ATG2B: variants seen among roughly 807,000 people sequenced by gnomAD.
ATG2B encodes the protein autophagy related 2B, also known as autophagy-related protein 2 homolog B.
In ATG2B, 121 loss-of-function variants were observed where a neutral mutation model predicts 241.3. The ratio of observed to expected loss-of-function variants is 0.50; its 90% CI spans 0.43 to 0.58. ATG2B has a LOEUF of 0.58. Ranked by LOEUF, ATG2B falls within the 20% of genes least tolerant of loss-of-function variation. The pLI, the probability that ATG2B is intolerant of heterozygous loss-of-function variation, is 0.00. For synonymous variants in ATG2B, 858 were observed against 876.6 expected, an observed-to-expected ratio of 0.98 and a Z score of 0.37; for missense variants, 2,306 against 2,491.6, an observed-to-expected ratio of 0.93 and a Z score of 1.59.
intron 5 of ATG2B, among the ~76,000 whole-genome samples, chr14:96,342,717 CA>C (rs11290481): frequency 0.48 from 49,407 of 102,770 alleles, 8,744 homozygotes; most frequent in African/African-American, 0.58. Flanking sequence ...AGACTCTCTC[CA>C]AAAAAAAAAA....
intron 41 of ATG2B, among the ~76,000 whole-genome samples, chr14:96,286,778 T>C (rs1477684676): frequency 6.6e-6 from 1 of 151,982 alleles, no homozygotes; most frequent in East Asian, 1.9e-4. Flanking sequence ...ATTATTATTA[T>C]TATATTATTA....
chr14:96,356,759 G>A (rs1296062216), intron 1 of ATG2B, among the ~76,000 whole-genome samples: 2 of 151,824 alleles, frequency 1.3e-5, no homozygotes, highest in African/African-American at 4.8e-5. Context: ...CTGGGGCAGT[G>A]TGGTGTACAA....
At chr14:96,314,766 T>C (rs1481125577) in intron 23 of ATG2B, among the ~76,000 whole-genome samples, 1 of 152,266 alleles carries the variant, frequency 6.6e-6, no homozygotes, top group Admixed American at 6.5e-5. Flanking sequence ...AGTGGCACGA[T>C]CTCAGCTCAC....
chr14:96,317,821 C>T lies in ATG2B; in HGVS notation c.2914G>A (p.Ala972Thr), dbSNP rs1204270571. The change falls in exon 19 of 42, where the codon GCT (alanine) becomes ACT (threonine). Residue 972 changes from alanine (A) to threonine (T), a missense_variant. Physicochemically the swap from Ala to Thr is moderately conservative, Grantham distance 58. This residue lies in a region of ATG2B where 1,927 missense variants were observed against 2,011.2 expected (regional missense o/e 0.96). Coordinates refer to ENST00000359933, the MANE Select transcript of ATG2B (RefSeq NM_018036.7). ...FNDLLLWEPT[A>T]PSPVETFENI... Reference sequence around the variant, plus strand: ...TCGAATGTCTCCACTGGTGAAGGAGCTGTTGGTTCCCACAGTAGCAAGTCA... The same window carrying T: ...TCGAATGTCTCCACTGGTGAAGGAGTTGTTGGTTCCCACAGTAGCAAGTCA... 6.2e-7 allele frequency: 1 copy of T among 1,611,784 alleles called. No homozygotes were observed. Among genetic ancestry groups the T allele is most frequent in the Non-Finnish European group, 8.5e-7 (1 of 1,178,620 alleles).
intron 6 of ATG2B, among the ~76,000 whole-genome samples, chr14:96,335,368 A>C (rs1887842538): frequency 6.6e-6 from 1 of 152,202 alleles, no homozygotes; most frequent in Non-Finnish European, 1.5e-5. Context: ...AAAACAAAAC[A>C]AACAAAAAAT....
intron 2 of ATG2B, 27 bp from the exon 3 acceptor site, chr14:96,345,412 A>G: frequency 2.6e-6 from 4 of 1,543,696 alleles, no homozygotes; most frequent in South Asian, 2.5e-5. Context: ...TTAATCCTAA[A>G]TAATTTCTTA....
chr14:96,322,185 C>T lies in ATG2B; in HGVS notation c.2806G>A (p.Val936Met). 1 of 1,588,658 alleles carries T rather than the reference C, an allele frequency of 6.3e-7. No homozygotes were observed. Among genetic ancestry groups the T allele is most frequent in the Non-Finnish European group, 8.5e-7 (1 of 1,171,952 alleles). The stretch of plus-strand genomic sequence containing the variant: ...ATATTTGGTAACGTAAGTTCCAGCA[C>T]ATAGTGAGAATTGCTGATTGCTTTA... ...QDKAISNSHY[V>M]LELTLPNIYV... Residue 936 changes from valine (V) to methionine (M), a missense_variant, in exon 18 of 42, where the codon GTG becomes ATG. Around this residue, in one of 2 missense-constraint regions of ATG2B, gnomAD observed 1,927 missense variants for 2,011.2 expected, o/e 0.96. Transcript: ENST00000359933.
rs1175730428 is a variant in ATG2B at position 96,279,952 on chromosome 14, T to G, written c.*5803A>C. 5 of 152,406 alleles carry G rather than the reference T, an allele frequency of 3.3e-5. No individual in the cohort carries two copies. The highest frequency in any genetic ancestry group is 5.9e-5 in the Non-Finnish European group (4 of 68,216). The allele number at this position is 152,406 out of a possible 1,614,324, so 9.4% of individuals were successfully genotyped here. A position where few individuals can be genotyped will look rare whatever the true frequency, so the allele number is the denominator to read the frequency against. ...CAGGCTGGTCCCAAATGTCAACTGC[T>G]GAGGTGGAGAAACCCGACTTTAGCC... is the stretch of plus-strand genomic sequence containing the variant. On this transcript the variant is annotated 3_prime_UTR_variant, in exon 42 of 42. Transcript: ENST00000359933.
At chr14:96,294,676 G>A (rs1433391353) in intron 36 of ATG2B, among the ~76,000 whole-genome samples, 1 of 152,190 alleles carries the variant, frequency 6.6e-6, no homozygotes, top group Non-Finnish European at 1.5e-5. Flanking sequence ...CCATAACAGT[G>A]CTGGAAAGAG....
rs1268490291 is a variant in ATG2B, at chr14:96,322,251, C to A, written c.2740G>T (p.Val914Leu). 6.3e-7 allele frequency: 1 copy of A among 1,587,530 alleles called. No individual in the cohort carries two copies. The highest frequency in any genetic ancestry group is 1.9e-5 in the Admixed American group (1 of 51,898). Residue 914 changes from valine (V) to leucine (L), a missense_variant, in exon 18 of 42, where the codon GTG becomes TTG. Val to Leu is a conservative substitution (Grantham distance 32). This residue lies in a region of ATG2B where 1,927 missense variants were observed against 2,011.2 expected (regional missense o/e 0.96). Transcript: ENST00000359933. ...ATTTCTACAGGGTCTCCTGGCATCACCATCTAAAACATAATAGTTCAGTGC... is the reference window on the plus strand; with the variant it reads ...ATTTCTACAGGGTCTCCTGGCATCAACATCTAAAACATAATAGTTCAGTGC... ...RRVMFENEQM[V>L]MPGDPVEMTE...
intron 6 of ATG2B, among the ~76,000 whole-genome samples, chr14:96,340,070 G>GAA (rs1566731419): frequency 4.8e-4 from 33 of 68,074 alleles, no homozygotes; most frequent in African/African-American, 1.2e-3. Flanking sequence ...TATGCTATAT[G>GAA]TGATATGATA....
chr14:96,291,172 A>T (rs1034643870), intron 38 of ATG2B, among the ~76,000 whole-genome samples: 2 of 152,090 alleles, frequency 1.3e-5, no homozygotes, highest in African/African-American at 2.4e-5. Context: ...CATATATATA[A>T]AATCCAATTC....
chr14:96,290,622 G>A lies in ATG2B; in HGVS notation c.5702-32C>T. 1 of 1,611,260 alleles carries A rather than the reference G, an allele frequency of 6.2e-7. No individual in the cohort carries two copies. The highest frequency in any genetic ancestry group is 2.2e-5 in the East Asian group (1 of 44,864). ...CAGTCAACACAAAATCAACATCAGT[G>A]CCACAGTTCAGACTTTTCTATCATT... On this transcript the variant is annotated intron_variant, in intron 39 of 41. Transcript: ENST00000359933. This position sits in a 1 kb window ranked among gnomAD's most constrained non-coding sequence, Gnocchi z 4.4.
In ATG2B at chr14:96,289,612, G is replaced by A; in HGVS notation, c.6006+44C>T. Reference sequence around the variant, plus strand: ...TGCTCTTTAGGTGAAAGTTGGGAAAGCGCACAGAAGGGTTCTGATGTGTCC... The same window carrying A: ...TGCTCTTTAGGTGAAAGTTGGGAAAACGCACAGAAGGGTTCTGATGTGTCC... On this transcript the variant is annotated intron_variant, in intron 41 of 41. Transcript: ENST00000359933. The surrounding 1 kb of genome is among the most constrained non-coding windows in gnomAD (Gnocchi z 4.3). 1 of 1,595,498 alleles carries A rather than the reference G, an allele frequency of 6.3e-7. No homozygotes were observed. Among genetic ancestry groups the A allele is most frequent in the South Asian group, 1.1e-5 (1 of 88,584 alleles).
intron 18 of ATG2B, among the ~76,000 whole-genome samples, chr14:96,318,494 TCA>T (rs1887375267): frequency 6.6e-6 from 1 of 152,172 alleles, no homozygotes; most frequent in African/African-American, 2.4e-5. Flanking sequence ...TGGGATCAAT[TCA>T]GTTCTTTCCC....
In ATG2B at chr14:96,295,489, A is replaced by G; in HGVS notation, c.5211T>C (p.Asp1737=). The G allele has an allele frequency of 6.3e-7, 1 of 1,599,104 alleles. No homozygotes were observed. Among genetic ancestry groups the G allele is most frequent in the Non-Finnish European group, 8.5e-7 (1 of 1,173,152 alleles). ...SAEVELQMTP[D]PEVKKSPGAD... is the part of the protein sequence containing the mutation. ...ACTATACATATTTAATACCTTCTGGATCTGGAGTCATTTGAAGCTCTACTT... is the reference window on the plus strand; with the variant it reads ...ACTATACATATTTAATACCTTCTGGGTCTGGAGTCATTTGAAGCTCTACTT... The change falls in exon 35 of 42, where the codon GAT becomes GAC. Residue 1737 remains aspartate (D), a synonymous_variant. Coordinates refer to ENST00000359933, the MANE Select transcript of ATG2B (RefSeq NM_018036.7).
At chr14:96,331,196 C>T (rs1279685117) in intron 11 of ATG2B, among the ~76,000 whole-genome samples, 180 bp downstream of exon 11, 1 of 152,220 alleles carries the variant, frequency 6.6e-6, no homozygotes. Flanking sequence ...ATGAAAGATT[C>T]TAAACACCTT....
Position 96,343,192 on chromosome 14 carries a change from G to C in ATG2B, c.671C>G (p.Ser224Cys). The C allele has an allele frequency of 6.2e-7, 1 of 1,609,736 alleles. No individual in the cohort carries two copies. The highest frequency in any genetic ancestry group is 8.5e-7 in the Non-Finnish European group (1 of 1,177,310). Residue 224 changes from serine (S) to cysteine (C), a missense_variant, in exon 5 of 42, where the codon TCT becomes TGT. Coordinates refer to ENST00000359933, the MANE Select transcript of ATG2B (RefSeq NM_018036.7). ...TAFAHKLLQLSGVSLFWDEFS... is the reference protein window; with the variant it reads ...TAFAHKLLQLCGVSLFWDEFS... ...CTCATCCCAGAAGAGAGACACTCCA[G>C]AGAGCTGAAGTAACTTGTGAGCAAA... is the stretch of plus-strand genomic sequence containing the variant.
At chr14:96,318,274 C>T (rs190229885) in intron 18 of ATG2B, 1 of 153,934 alleles carries the variant, frequency 6.5e-6, no homozygotes, top group African/African-American at 2.4e-5. Context: ...GATCCTGCAT[C>T]ATCTCACTGA....
Sources: gnomAD v4.1 joint callset for allele counts (sites outside exome capture counted in the v4.1 genomes callset) on GRCh38, gnomAD v4.1.1 for gene constraint, gnomAD v4.1.1 regional missense constraint, Gnocchi (gnomAD v3.1) non-coding constraint, MANE v1.5 for transcripts, NCBI Gene and HGNC (gene_info 2026-07-23, HGNC 2026-07-21) for gene names.